Variants in STARD13 observed in about 807,000 individuals in gnomAD.
STARD13 encodes the protein StAR related lipid transfer domain containing 13.
STARD13 carries 62 observed loss-of-function variants against 106.4 expected under a neutral mutation model. The ratio of observed to expected loss-of-function variants is 0.58; its 90% CI spans 0.48 to 0.72. The LOEUF (loss-of-function observed/expected upper bound fraction) is 0.72, where lower values mean the gene tolerates loss of function less well. Among genes scored for constraint, STARD13 ranks in the 30% least tolerant of loss-of-function variants. The pLI, the probability that STARD13 is intolerant of heterozygous loss-of-function variation, is 0.00. For missense variants in STARD13, 1,387 were observed against 1,424.0 expected (o/e 0.97, Z 0.42); for synonymous variants, 565 against 553.0 (o/e 1.02, Z -0.31).
the STARD13 span, among the ~76,000 whole-genome samples, chr13:33,363,164 C>A: frequency 6.6e-6 from 1 of 152,178 alleles, no homozygotes; most frequent in Admixed American, 6.5e-5. Context: ...TTTAGCATTC[C>A]TCATCTTGTC....
chr13:33,404,542 A>G, the STARD13 span, among the ~76,000 whole-genome samples: 4 of 152,202 alleles, frequency 2.6e-5, no homozygotes, highest in South Asian at 4.1e-4. Flanking sequence ...AATCTAAGAT[A>G]TGTCCCTTAA....
intron 1 of STARD13, among the ~76,000 whole-genome samples, chr13:33,312,065 A>G (rs1893155962): frequency 6.6e-6 from 1 of 152,238 alleles, no homozygotes; most frequent in Admixed American, 6.5e-5. Context: ...CTCCTTAGAA[A>G]GTTGTGCTTG....
intron 7 of STARD13, 151 bp from the exon 8 acceptor site, chr13:33,118,414 C>T: frequency 3.0e-6 from 2 of 656,636 alleles, no homozygotes; most frequent in Non-Finnish European, 2.7e-6. Flanking sequence ...AGTACCCGAA[C>T]ACTGTCTTCC....
chr13:33,583,625 G>A, the STARD13 span, among the ~76,000 whole-genome samples: 2 of 152,128 alleles, frequency 1.3e-5, no homozygotes, highest in South Asian at 4.2e-4. Flanking sequence ...TTCCATTCTT[G>A]ATATTTAGGG....
At chr13:33,271,825 A>G (rs1374355687) in intron 1 of STARD13, among the ~76,000 whole-genome samples, 1 of 152,064 alleles carries the variant, frequency 6.6e-6, no homozygotes, top group African/African-American at 2.4e-5. Context: ...AAAAGCATAA[A>G]ACATACAAAT....
the STARD13 span, among the ~76,000 whole-genome samples, chr13:33,650,164 A>ATGTTTGTTTT: frequency 2.1e-5 from 1 of 48,358 alleles, no homozygotes; most frequent in South Asian, 6.2e-4. Flanking sequence ...CGTGACTCCA[A>ATGTTTGTTTT]TTTTTTTTTT....
intron 1 of STARD13, among the ~76,000 whole-genome samples, chr13:33,310,035 T>G (rs1233984986): frequency 6.6e-6 from 1 of 152,234 alleles, no homozygotes; most frequent in Non-Finnish European, 1.5e-5. Flanking sequence ...GATGTATATA[T>G]AGAGAATAAT....
At chr13:33,239,183 C>T (rs576824840) in intron 1 of STARD13, among the ~76,000 whole-genome samples, 2 of 152,260 alleles carry the variant, frequency 1.3e-5, no homozygotes, top group East Asian at 3.9e-4. Context: ...AAGGCTCACA[C>T]ACGTTGTAGC....
At chr13:33,449,070 A>T in the STARD13 span, among the ~76,000 whole-genome samples, 1 of 151,294 alleles carries the variant, frequency 6.6e-6, no homozygotes, top group African/African-American at 2.4e-5. Context: ...TATTGTCCTA[A>T]AATGCTGTGC....
intron 1 of STARD13, among the ~76,000 whole-genome samples, chr13:33,239,969 T>C (rs544317866): frequency 6.6e-6 from 1 of 152,196 alleles, no homozygotes; most frequent in Non-Finnish European, 1.5e-5. Flanking sequence ...TTTTTGCAAA[T>C]CCAATGTCAT....
At position 33,129,530 on chromosome 13, in the gene STARD13, G is replaced by C; in HGVS notation, c.1147C>G (p.Arg383Gly). ...TALPDAGDQS[R>G]MHEFHSQENL... ...TCTTGGGAGTGAAATTCATGCATAC[G>C]GCTTTGGTCCCCTGCATCCGGCAGT... Residue 383 changes from arginine (R) to glycine (G), a missense_variant, in exon 5 of 14, where the codon CGT becomes GGT. Coordinates refer to ENST00000336934, the MANE Select transcript of STARD13 (RefSeq NM_178006.4). The C allele has an allele frequency of 6.2e-7, 1 of 1,614,176 alleles. No homozygotes were observed. The highest frequency in any genetic ancestry group is 8.5e-7 in the Non-Finnish European group (1 of 1,180,026).
At chr13:33,664,924 C>T in the STARD13 span, among the ~76,000 whole-genome samples, 2 of 152,216 alleles carry the variant, frequency 1.3e-5, no homozygotes, top group Non-Finnish European at 2.9e-5. Flanking sequence ...CTACGCCCGG[C>T]CAAAAACTAC....
chr13:33,591,318 G>A, the STARD13 span, among the ~76,000 whole-genome samples: 1 of 152,148 alleles, frequency 6.6e-6, no homozygotes, highest in East Asian at 1.9e-4. Context: ...TATTTATCAT[G>A]TAAAAAAAGG....
chr13:33,271,002 A>C (rs912148528), intron 1 of STARD13, among the ~76,000 whole-genome samples: 1 of 152,196 alleles, frequency 6.6e-6, no homozygotes, highest in African/African-American at 2.4e-5. Flanking sequence ...TGTAAATAGC[A>C]GTCAAGAAGC....
chr13:33,632,240 C>T, the STARD13 span, among the ~76,000 whole-genome samples: 2 of 152,168 alleles, frequency 1.3e-5, no homozygotes, highest in Admixed American at 6.5e-5. Context: ...AATCACATTT[C>T]CTGAGCCATT....
the STARD13 span, among the ~76,000 whole-genome samples, chr13:33,588,412 C>T: frequency 6.6e-6 from 1 of 152,146 alleles, no homozygotes; most frequent in East Asian, 1.9e-4. Context: ...CTGCTGTACT[C>T]TCTACTAAGG....
At chr13:33,493,153 G>T in the STARD13 span, among the ~76,000 whole-genome samples, 1 of 152,108 alleles carries the variant, frequency 6.6e-6, no homozygotes, top group Admixed American at 6.5e-5. Context: ...TGTGATTAGG[G>T]GTGGAACAGC....
intron 1 of STARD13, among the ~76,000 whole-genome samples, chr13:33,183,114 C>A (rs1345596950): frequency 6.6e-6 from 1 of 152,218 alleles, no homozygotes; most frequent in South Asian, 2.1e-4. Flanking sequence ...CAGGTTAGCT[C>A]GGCTCTTCTC....
At chr13:33,187,087 C>T (rs1885833179) in intron 1 of STARD13, among the ~76,000 whole-genome samples, 1 of 152,324 alleles carries the variant, frequency 6.6e-6, no homozygotes, top group Non-Finnish European at 1.5e-5. Flanking sequence ...TCTCTCACTA[C>T]CCAGACACCT....
Sources: gnomAD v4.1 joint callset for allele counts (sites outside exome capture counted in the v4.1 genomes callset) on GRCh38, gnomAD v4.1.1 for gene constraint, MANE v1.5 for transcripts, NCBI Gene and HGNC (gene_info 2026-07-23, HGNC 2026-07-21) for gene names.